The following LRP2 variants were observed in gnomAD, a reference collection of about 807,000 sequenced individuals.
LRP2 encodes LDL receptor related protein 2.
LRP2 carries 172 observed loss-of-function variants against 531.0 expected under a neutral mutation model. The ratio of observed to expected loss-of-function variants is 0.32; its 90% confidence interval spans 0.29 to 0.37. LRP2 has a LOEUF of 0.37. Among genes scored for constraint, LRP2 ranks in the 10% least tolerant of loss-of-function variants. The pLI is 1.00. For synonymous variants in LRP2, 1,992 were observed against 2,027.6 expected (o/e 0.98, Z 0.47); for missense variants, 5,167 against 5,868.3 (o/e 0.88, Z 3.90).
intron 46 of LRP2, among the ~76,000 whole-genome samples, chr2:169,194,965 T>A (rs576689217): frequency 6.6e-6 from 1 of 150,828 alleles, no homozygotes; most frequent in East Asian, 2.0e-4. Flanking sequence ...TGCCTTGGCC[T>A]CCCAAAGCGC....
In LRP2 at chr2:169,238,009, C is replaced by T. The variant is rs115228222; in HGVS notation, c.4506+82G>A. On this transcript the variant is annotated intron_variant, in intron 27 of 78. Transcript: ENST00000649046. Reference sequence around the variant, plus strand: ...TGAGAGCTACCCAGATGAGGTAGGGCCTTCTCTCACTGGTGAATAACAGCA... The same window carrying T: ...TGAGAGCTACCCAGATGAGGTAGGGTCTTCTCTCACTGGTGAATAACAGCA... The T allele has an allele frequency of 2.3e-3, 2,657 of 1,153,768 alleles. 44 individuals are homozygous for T. In the African/African-American group the frequency reaches 0.036, roughly 16 times the overall value. The allele number at this position is 1,153,768 out of a possible 1,614,324, so 71.5% of individuals were successfully genotyped here.
intron 34 of LRP2, among the ~76,000 whole-genome samples, chr2:169,219,440 C>T (rs747258331): frequency 3.3e-5 from 5 of 152,248 alleles, no homozygotes; most frequent in South Asian, 2.1e-4. Flanking sequence ...TCAAACAGAC[C>T]GGAGGACTCC....
intron 61 of LRP2, among the ~76,000 whole-genome samples, chr2:169,166,873 G>C (rs915182907): frequency 2.6e-5 from 4 of 152,180 alleles, no homozygotes; most frequent in African/African-American, 9.7e-5. Flanking sequence ...CTTTCACATG[G>C]AGGATTTGGG....
intron 1 of LRP2, among the ~76,000 whole-genome samples, chr2:169,327,724 G>A (rs1163524198): frequency 2.5e-5 from 3 of 122,236 alleles, no homozygotes; most frequent in South Asian, 2.9e-4. Flanking sequence ...TCAGCACCCC[G>A]CCCGGCCAGC....
chr2:169,136,740 G>A (rs970421330), intron 76 of LRP2, among the ~76,000 whole-genome samples: 51 of 149,070 alleles, frequency 3.4e-4, no homozygotes, highest in Middle Eastern at 7.1e-3. Flanking sequence ...ATCTCCCTTC[G>A]CTGACTCTCT....
chr2:169,306,219 C>T (rs1684413911), intron 4 of LRP2, among the ~76,000 whole-genome samples: 1 of 151,840 alleles, frequency 6.6e-6, no homozygotes, highest in Admixed American at 6.6e-5. Flanking sequence ...TTCATAAACG[C>T]TAGACTTGTA....
At chr2:169,225,513 C>G in intron 32 of LRP2, 60 bp from the exon 33 acceptor site, 1 of 1,587,560 alleles carries the variant, frequency 6.3e-7, no homozygotes, top group Non-Finnish European at 8.6e-7. Flanking sequence ...ACAAAAGAAC[C>G]CTTTCTTCAC....
chr2:169,150,824 T>G, intron 68 of LRP2, 74 bp downstream of exon 68: 1 of 1,588,890 alleles, frequency 6.3e-7, no homozygotes, highest in Non-Finnish European at 8.6e-7. Flanking sequence ...GAAAAAAAAA[T>G]TATAAGAAAC....
In LRP2 at chr2:169,168,603, T is replaced by C. The variant is rs1174582580; in HGVS notation, c.11571A>G (p.Pro3857=). 2.5e-6 allele frequency: 4 copies of C among 1,614,012 alleles called. No homozygotes were observed. Among genetic ancestry groups the C allele is most frequent in the African/African-American group, 2.7e-5 (2 of 74,938 alleles). ...FECKNHVCIP[P]YWKCDGDDDC... is the part of the protein sequence containing the mutation. The stretch of plus-strand genomic sequence containing the variant: ...CATCATCGCCATCACATTTCCAATA[T>C]GGCGGGATACAAACATGGTTTTTGC... The change falls in exon 61 of 79, where the codon CCA becomes CCG. Residue 3857 remains proline (P), a synonymous_variant. Coordinates refer to ENST00000649046, the MANE Select transcript of LRP2 (RefSeq NM_004525.3).
Position 169,263,488 on chromosome 2 carries a change from T to G in LRP2, c.2321-4271A>C, listed in dbSNP as rs830990. ...GACATTTATGCAGCCAAAAAACACA[T>G]GAAAAAATGCTCACCATCACTGGCC... is the stretch of plus-strand genomic sequence containing the variant. On this transcript the variant is annotated intron_variant, in intron 16 of 78. Transcript: ENST00000649046. Among the ~76,000 whole-genome samples, 1,361 of 149,336 alleles carry G rather than the reference T, an allele frequency of 9.1e-3. 28 individuals carry two copies. Among genetic ancestry groups the G allele is most frequent in the African/African-American group, 0.032 (1,299 of 40,652 alleles).
chr2:169,205,684 A>C (rs1389505170), intron 40 of LRP2, 47 bp from the exon 41 acceptor site: 4 of 1,528,940 alleles, frequency 2.6e-6, no homozygotes, highest in Non-Finnish European at 3.6e-6. Context: ...GGAACCTCAT[A>C]GTCCTTTAAA....
intron 35 of LRP2, among the ~76,000 whole-genome samples, chr2:169,215,422 G>A (rs188617049): frequency 1.8e-4 from 27 of 152,192 alleles, no homozygotes; most frequent in Middle Eastern, 3.4e-3. Context: ...ATGAGTGAAC[G>A]AGACTTTATA....
chr2:169,351,622 G>C (rs1685851972), intron 1 of LRP2, among the ~76,000 whole-genome samples: 1 of 152,198 alleles, frequency 6.6e-6, no homozygotes, highest in African/African-American at 2.4e-5. Context: ...CTCTACATGT[G>C]AGAAGGTGAT....
intron 33 of LRP2, 58 bp downstream of exon 33, chr2:169,225,252 T>C: frequency 1.3e-6 from 2 of 1,557,882 alleles, no homozygotes; most frequent in East Asian, 2.2e-5. Context: ...TTCCTGAGAC[T>C]AGAGTTTACA....
intron 48 of LRP2, among the ~76,000 whole-genome samples, chr2:169,191,412 T>A (rs1277057858): frequency 6.6e-6 from 1 of 152,190 alleles, no homozygotes; most frequent in Non-Finnish European, 1.5e-5. Context: ...AAAGAATTCT[T>A]ATCTCAAGCC....
rs536435201 is a variant in LRP2 at position 169,291,699 on chromosome 2, T to C, written c.769+554A>G. ...CACTTCCCTGGATAGTAGCTTCTCC[T>C]ACACTTACCATCCCCAGCTCCAACC... On this transcript the variant is annotated intron_variant, in intron 7 of 78. Transcript: ENST00000649046. Among the ~76,000 whole-genome samples, 35 of 37,238 alleles carry C rather than the reference T, an allele frequency of 9.4e-4. 2 individuals are homozygous for C. In the Admixed American group the frequency reaches 0.011, roughly 12 times the overall value. The allele number at this position is 37,238 out of a possible 152,430, so 24.4% of individuals were successfully genotyped here.
Position 169,158,059 on chromosome 2 carries a change from TATACAC to T in LRP2, c.11888-563_11888-558del, listed in dbSNP as rs1336877632. 1.7e-3 allele frequency among the ~76,000 whole-genome samples: 139 copies of T among 82,576 alleles called. No homozygotes were observed. The East Asian group carries it at 0.036, about 22-fold the overall frequency. 54.2% of individuals were successfully genotyped at this position (82,576 alleles called of 152,430 possible). A position where few individuals can be genotyped will look rare whatever the true frequency, so the allele number is the denominator to read the frequency against. ...TTCCCTAACATTGACCAATTGATTA[TATACAC>T]ACACACACACACACACACACACACA... On this transcript the variant is annotated intron_variant, in intron 63 of 78. Coordinates refer to ENST00000649046, the MANE Select transcript of LRP2 (RefSeq NM_004525.3).
At chr2:169,295,586 C>T (rs1177843215) in intron 4 of LRP2, among the ~76,000 whole-genome samples, 3 of 152,074 alleles carry the variant, frequency 2.0e-5, no homozygotes, top group Middle Eastern at 3.2e-3. Context: ...GATCTCTTTC[C>T]GCCATGACAT....
At chr2:169,135,480 A>G (rs1685468139) in intron 76 of LRP2, among the ~76,000 whole-genome samples, 1 of 152,056 alleles carries the variant, frequency 6.6e-6, no homozygotes, top group South Asian at 2.1e-4. Context: ...CCACCTCTAT[A>G]CAGTCCGACA....
Sources: gnomAD v4.1 joint callset for allele counts (sites outside exome capture counted in the v4.1 genomes callset) on GRCh38, gnomAD v4.1.1 for gene constraint, MANE v1.5 for transcripts, NCBI Gene and HGNC (gene_info 2026-07-23, HGNC 2026-07-21) for gene names.